DOCK2: variants seen among roughly 807,000 people sequenced by gnomAD.
DOCK2 encodes dedicator of cytokinesis protein 2.
Under a neutral mutation model 248.9 loss-of-function variants are expected in DOCK2, and 87 were observed. That is an observed-to-expected ratio of 0.35 (90% CI 0.29 to 0.42). The LOEUF is 0.42. Among genes scored for constraint, DOCK2 ranks in the 10% least tolerant of loss-of-function variants. The pLI, the probability that DOCK2 is intolerant of heterozygous loss-of-function variation, is 1.00. For missense variants in DOCK2, 1,747 were observed against 2,300.2 expected, an observed-to-expected ratio of 0.76 and a Z score of 4.92; for synonymous variants, 805 against 821.6, an observed-to-expected ratio of 0.98 and a Z score of 0.35.
intron 22 of DOCK2, among the ~76,000 whole-genome samples, chr5:169,744,840 G>A (rs1561656985): frequency 6.6e-6 from 1 of 152,216 alleles, no homozygotes; most frequent in Non-Finnish European, 1.5e-5. Flanking sequence ...CAGCAGGAAA[G>A]TGTTGCTGGA....
chr5:169,832,212 C>T (rs933796937), intron 26 of DOCK2, among the ~76,000 whole-genome samples: 3 of 152,206 alleles, frequency 2.0e-5, no homozygotes, highest in Non-Finnish European at 4.4e-5. Context: ...CAGTTGCTGG[C>T]ATATAATAAG....
intron 27 of DOCK2, among the ~76,000 whole-genome samples, chr5:169,878,537 G>T (rs1193450070): frequency 6.6e-6 from 1 of 152,184 alleles, no homozygotes; most frequent in Non-Finnish European, 1.5e-5. Flanking sequence ...ACTGAGACCT[G>T]CTCTTTCTTT....
intron 38 of DOCK2, among the ~76,000 whole-genome samples, chr5:170,042,688 G>A (rs544404951): frequency 2.0e-5 from 3 of 152,302 alleles, no homozygotes; most frequent in South Asian, 2.1e-4. Flanking sequence ...CCACTCAGAT[G>A]TCACATGCTA....
chr5:170,074,866 C>A (rs1009922657), intron 46 of DOCK2, among the ~76,000 whole-genome samples: 1 of 152,192 alleles, frequency 6.6e-6, no homozygotes, highest in Non-Finnish European at 1.5e-5. Context: ...AGCTCACCCG[C>A]CTTCTCTGTA....
At chr5:169,824,610 A>C (rs1252335793) in intron 26 of DOCK2, among the ~76,000 whole-genome samples, 1 of 152,352 alleles carries the variant, frequency 6.6e-6, no homozygotes, top group Middle Eastern at 3.4e-3. Context: ...TACACCTTAT[A>C]CAAAAATTAA....
chr5:169,748,850 T>C lies in DOCK2; in HGVS notation c.2376+1346T>C, dbSNP rs79493991. On this transcript the variant is annotated intron_variant, in intron 23 of 51. Coordinates refer to ENST00000520908, the MANE Select transcript of DOCK2 (RefSeq NM_004946.3). ...TGTAACAGGCTTTATATTTCATGCT[T>C]CACATATATTACTTTATTTCACCCT... Among the ~76,000 whole-genome samples the C allele has an allele frequency of 4.8e-3, 726 of 152,350 alleles. 8 individuals carry two copies. Among genetic ancestry groups the C allele is most frequent in the African/African-American group, 0.017 (697 of 41,584 alleles).
In DOCK2 at chr5:169,718,646, C is replaced by T; in HGVS notation, c.2133-11C>T. 6.2e-7 allele frequency: 1 copy of T among 1,608,536 alleles called. No homozygotes were observed. The highest frequency in any genetic ancestry group is 1.3e-5 in the African/African-American group (1 of 74,846). ...AAGAGATGTATTTTGAAAATATTAT[C>T]CCTTATTCAGGAAATTGATGACAGT... On this transcript the variant is annotated splice_polypyrimidine_tract_variant and intron_variant, in intron 21 of 51. Coordinates refer to ENST00000520908, the MANE Select transcript of DOCK2 (RefSeq NM_004946.3).
chr5:170,013,355 T>C (rs1042384546), intron 32 of DOCK2, among the ~76,000 whole-genome samples: 4 of 152,112 alleles, frequency 2.6e-5, no homozygotes, highest in Non-Finnish European at 5.9e-5. Context: ...CTGTGGAATA[T>C]GTTACCTGAC....
At chr5:169,681,566 A>C (rs1293167737) in intron 6 of DOCK2, among the ~76,000 whole-genome samples, 178 bp from the exon 7 acceptor site, 5 of 152,130 alleles carry the variant, frequency 3.3e-5, no homozygotes, top group African/African-American at 1.2e-4. Flanking sequence ...GTACCTTCTA[A>C]AGGGGGTCTA....
chr5:170,042,752 T>G (rs1756565102), intron 38 of DOCK2, among the ~76,000 whole-genome samples: 1 of 152,202 alleles, frequency 6.6e-6, no homozygotes, highest in African/African-American at 2.4e-5. Flanking sequence ...CTGCCCCAGG[T>G]TACCCTTATG....
Position 169,673,291 on chromosome 5 carries a change from A to G in DOCK2, c.322-1006A>G, listed in dbSNP as rs1332136382. Among the ~76,000 whole-genome samples the G allele has an allele frequency of 3.3e-5, 5 of 152,112 alleles. No individual in the cohort carries two copies. The East Asian group carries it at 9.7e-4, about 29-fold the overall frequency. On this transcript the variant is annotated intron_variant, in intron 5 of 51. Transcript: ENST00000520908. ...TAAACTCAGGTATCATTGAAAGGGG[A>G]TTGTTAGGAATAACAAAATACATTC...
At chr5:169,807,833 CAAAAAAAAAAAA>C (rs61670398) in intron 26 of DOCK2, among the ~76,000 whole-genome samples, 4 of 24,230 alleles carry the variant, frequency 1.7e-4, no homozygotes, top group Non-Finnish European at 2.3e-4. Flanking sequence ...GACTCTGTCT[CAAAAAAAAAAAA>C]AAAAAAAAAA....
At chr5:169,861,753 A>G (rs1429792173) in intron 27 of DOCK2, among the ~76,000 whole-genome samples, 1 of 152,180 alleles carries the variant, frequency 6.6e-6, no homozygotes, top group East Asian at 1.9e-4. Context: ...GAAAATGTTT[A>G]TGGAATCCTA....
chr5:169,680,753 G>A (rs961362532), intron 6 of DOCK2, among the ~76,000 whole-genome samples: 3 of 151,824 alleles, frequency 2.0e-5, no homozygotes, highest in Non-Finnish European at 4.4e-5. Flanking sequence ...TTGAGACAAG[G>A]CACATGTAAC....
intron 26 of DOCK2, among the ~76,000 whole-genome samples, chr5:169,836,815 A>G (rs1394489781): frequency 6.6e-6 from 1 of 152,188 alleles, no homozygotes; most frequent in African/African-American, 2.4e-5. Flanking sequence ...ACTTGGTATC[A>G]TGAAAAGTGT....
At chr5:169,819,362 T>C (rs1202019975) in intron 26 of DOCK2, among the ~76,000 whole-genome samples, 1 of 152,100 alleles carries the variant, frequency 6.6e-6, no homozygotes, top group African/African-American at 2.4e-5. Context: ...GGCTCACGCC[T>C]TTAATACCAG....
chr5:169,973,265 A>G (rs993806135), intron 27 of DOCK2, among the ~76,000 whole-genome samples: 3 of 152,158 alleles, frequency 2.0e-5, no homozygotes, highest in African/African-American at 7.2e-5. Context: ...ATCCTCACCC[A>G]CAATGCAGCT....
chr5:169,833,353 C>T (rs1412142322), intron 26 of DOCK2, among the ~76,000 whole-genome samples: 1 of 152,108 alleles, frequency 6.6e-6, no homozygotes, highest in Non-Finnish European at 1.5e-5. Context: ...CTCTTGAAAA[C>T]CTCCTGAAAA....
chr5:169,869,713 T>C (rs923507540), intron 27 of DOCK2, among the ~76,000 whole-genome samples: 1 of 152,216 alleles, frequency 6.6e-6, no homozygotes, highest in Admixed American at 6.5e-5. Flanking sequence ...TGGTGAAAAT[T>C]GAAGTTAATT....
Sources: allele counts gnomAD v4.1 joint callset (sites outside exome capture counted in the v4.1 genomes callset), GRCh38; gene constraint gnomAD v4.1.1; transcripts MANE v1.5; gene names NCBI Gene and HGNC (gene_info 2026-07-23, HGNC 2026-07-21).